The following CFAP95 variants were observed in gnomAD, a reference collection of about 807,000 sequenced individuals.
The protein encoded by CFAP95 is cilia and flagella associated protein 95.
At chr9:69,821,153 C>T in the CFAP95 span, 4 of 1,025,822 alleles carry the variant, frequency 3.9e-6, no homozygotes, top group Non-Finnish European at 3.9e-6. Flanking sequence ...ACAGAGGAAA[C>T]GGAAAAAAGA....
the CFAP95 span, among the ~76,000 whole-genome samples, chr9:69,831,566 G>A: frequency 1.3e-5 from 2 of 152,170 alleles, no homozygotes; most frequent in Non-Finnish European, 2.9e-5. Flanking sequence ...GTTACTGTGA[G>A]ATAGGAGTGG....
At chr9:69,895,000 G>A in the CFAP95 span, among the ~76,000 whole-genome samples, 763 of 128,696 alleles carry the variant, frequency 5.9e-3, no homozygotes, top group African/African-American at 7.7e-3. Flanking sequence ...CAAAAAAAAA[G>A]AAAAAAAAAA....
At chr9:69,847,748 T>C in the CFAP95 span, among the ~76,000 whole-genome samples, 2 of 152,200 alleles carry the variant, frequency 1.3e-5, no homozygotes, top group Admixed American at 6.5e-5. Flanking sequence ...TTTGCAAGTT[T>C]GCTGCTGAGT....
At chr9:69,840,706 T>C in the CFAP95 span, among the ~76,000 whole-genome samples, 1 of 152,218 alleles carries the variant, frequency 6.6e-6, no homozygotes, top group African/African-American at 2.4e-5. Flanking sequence ...CTATATTTCA[T>C]ACAGTATATT....
At chr9:69,854,568 C>T in the CFAP95 span, among the ~76,000 whole-genome samples, 1 of 152,162 alleles carries the variant, frequency 6.6e-6, no homozygotes, top group South Asian at 2.1e-4. Flanking sequence ...TTTTTTAAAA[C>T]AGAAATAAAT....
chr9:69,896,792 G>A, the CFAP95 span, among the ~76,000 whole-genome samples: 1 of 152,132 alleles, frequency 6.6e-6, no homozygotes, highest in East Asian at 1.9e-4. Flanking sequence ...GGAGGCTTGA[G>A]ATGGGAAAAT....
chr9:69,858,859 A>G, the CFAP95 span, among the ~76,000 whole-genome samples: 31 of 152,222 alleles, frequency 2.0e-4, no homozygotes, highest in Non-Finnish European at 2.4e-4. Flanking sequence ...GCAGGGAAGC[A>G]TGAATTCTTA....
chr9:69,892,895 A>G, the CFAP95 span, among the ~76,000 whole-genome samples: 2 of 152,056 alleles, frequency 1.3e-5, no homozygotes. Context: ...TCTCCATCCC[A>G]CTGAGAGCCA....
chr9:69,830,786 T>A, the CFAP95 span, among the ~76,000 whole-genome samples: 1 of 152,212 alleles, frequency 6.6e-6, no homozygotes, highest in African/African-American at 2.4e-5. Context: ...CAGCTGGGAC[T>A]ATAGGCATGC....
At chr9:69,820,817 G>C in the CFAP95 span, 1 of 1,526,224 alleles carries the variant, frequency 6.6e-7, no homozygotes, top group Non-Finnish European at 8.9e-7. Context: ...TGGTACTTAC[G>C]TTCCTGCCGG....
the CFAP95 span, among the ~76,000 whole-genome samples, chr9:69,859,119 G>A: frequency 1.2e-4 from 19 of 152,172 alleles, no homozygotes; most frequent in African/African-American, 4.3e-4. Flanking sequence ...TATCAGTTCA[G>A]AGAAATTTTC....
chr9:69,900,883 T>G, the CFAP95 span, among the ~76,000 whole-genome samples: 3 of 152,192 alleles, frequency 2.0e-5, no homozygotes, highest in Non-Finnish European at 4.4e-5. Flanking sequence ...TTTTTTTTTA[T>G]GCTTTAAGTA....
the CFAP95 span, among the ~76,000 whole-genome samples, chr9:69,843,368 A>G: frequency 6.6e-6 from 1 of 151,354 alleles, no homozygotes; most frequent in Non-Finnish European, 1.5e-5. Context: ...TTCTATTAAA[A>G]ATAGCTACTT....
chr9:69,879,895 G>T, the CFAP95 span, among the ~76,000 whole-genome samples: 3 of 151,712 alleles, frequency 2.0e-5, no homozygotes, highest in Non-Finnish European at 2.9e-5. Context: ...TTAACCTTAG[G>T]TTCTGTCTTA....
chr9:69,855,242 T>C, the CFAP95 span, among the ~76,000 whole-genome samples: 1 of 152,222 alleles, frequency 6.6e-6, no homozygotes, highest in Non-Finnish European at 1.5e-5. Context: ...CTCTATTTTA[T>C]GTTTGGCAAT....
chr9:69,858,224 T>A, the CFAP95 span: 2 of 479,578 alleles, frequency 4.2e-6, no homozygotes, highest in Admixed American at 7.0e-5. Context: ...CTCTGTAAAA[T>A]TTACCTATTT....
chr9:69,852,033 C>A, the CFAP95 span, among the ~76,000 whole-genome samples: 1 of 152,134 alleles, frequency 6.6e-6, no homozygotes, highest in Non-Finnish European at 1.5e-5. Context: ...CTCTCGGATC[C>A]TTTAGAATCT....
At chr9:69,821,637 A>G in the CFAP95 span, among the ~76,000 whole-genome samples, 1 of 152,084 alleles carries the variant, frequency 6.6e-6, no homozygotes, top group Non-Finnish European at 1.5e-5. Context: ...GAGGCCCCTC[A>G]TATTTTCTAG....
chr9:69,834,483 T>C, the CFAP95 span, among the ~76,000 whole-genome samples: 1 of 152,232 alleles, frequency 6.6e-6, no homozygotes, highest in Non-Finnish European at 1.5e-5. Flanking sequence ...ATTTTATACA[T>C]GTCCCTTCAG....
Sources: allele counts gnomAD v4.1 joint callset (sites outside exome capture counted in the v4.1 genomes callset), GRCh38; gene constraint gnomAD v4.1.1; transcripts MANE v1.5; gene names NCBI Gene and HGNC (gene_info 2026-07-23, HGNC 2026-07-21).